Variants in CWF19L1 observed in about 807,000 individuals in gnomAD.
CWF19L1 encodes CWF19-like protein 1.
CWF19L1 carries 60 observed loss-of-function variants against 69.7 expected under a neutral mutation model. That is an observed-to-expected ratio of 0.86 (90% CI 0.70 to 1.07). The LOEUF is 1.07. Among genes scored for constraint, CWF19L1 ranks in the 50% least tolerant of loss-of-function variants. The probability of loss-of-function intolerance (pLI) is 0.00; values close to 1 mark genes in which losing one functional copy is unlikely to be tolerated. For synonymous variants in CWF19L1, 209 were observed against 222.2 expected, an observed-to-expected ratio of 0.94 and a Z score of 0.53; for missense variants, 591 against 638.9, an observed-to-expected ratio of 0.92 and a Z score of 0.81.
chr10:100,259,761 G>T (rs921080104), intron 4 of CWF19L1, among the ~76,000 whole-genome samples: 1 of 152,072 alleles, frequency 6.6e-6, no homozygotes, highest in African/African-American at 2.4e-5. Context: ...TACAGACTCT[G>T]GGAAAAAACC....
In CWF19L1 at chr10:100,253,530, C is replaced by A; in HGVS notation, c.514G>T (p.Asp172Tyr). The A allele has an allele frequency of 6.2e-7, 1 of 1,608,608 alleles. No homozygotes were observed. Among genetic ancestry groups the A allele is most frequent in the Non-Finnish European group, 8.5e-7 (1 of 1,175,140 alleles). The change falls in exon 6 of 14, where the codon GAT (aspartate) becomes TAT (tyrosine). Residue 172 changes from aspartate (D) to tyrosine (Y), a missense_variant. Coordinates refer to ENST00000354105, the MANE Select transcript of CWF19L1 (RefSeq NM_018294.6). ...AAAGCAGAACCACATTTTTTGGTAT[C>A]CACTTCTCCCTAGTAAACAAAAACT... is the stretch of plus-strand genomic sequence containing the variant. The part of the protein sequence containing the change: ...GNFGNSSGEV[D>Y]TKKCGSALVS...
At position 100,249,070 on chromosome 10, in the gene CWF19L1, C is replaced by A. The variant is rs116610786; in HGVS notation, c.708+1178G>T. On this transcript the variant is annotated intron_variant, in intron 7 of 13. Transcript: ENST00000354105. Reference sequence around the variant, plus strand: ...GCAGTCCATGCTCCTCCAGCTGCCCCTGAGGGGCCACCCTGCCTGCACCTC... The same window carrying A: ...GCAGTCCATGCTCCTCCAGCTGCCCATGAGGGGCCACCCTGCCTGCACCTC... The A allele has an allele frequency of 4.2e-3, 2,216 of 530,010 alleles. 46 individuals are homozygous for A. The highest frequency in any genetic ancestry group is 0.038 in the African/African-American group (1,987 of 52,422). 32.8% of individuals were successfully genotyped at this position (530,010 alleles called of 1,614,324 possible).
At chr10:100,255,192 T>C (rs1847168304) in intron 5 of CWF19L1, among the ~76,000 whole-genome samples, 1 of 152,258 alleles carries the variant, frequency 6.6e-6, no homozygotes, top group African/African-American at 2.4e-5. Flanking sequence ...TTGTCACTCC[T>C]GGTGTACCAT....
At chr10:100,234,055 C>T (rs1846355211) in intron 13 of CWF19L1, 1 of 152,216 alleles carries the variant, frequency 6.6e-6, no homozygotes. Flanking sequence ...CACTCACACA[C>T]AAGCTGCCTT....
At chr10:100,248,890 A>G in intron 7 of CWF19L1, 1 of 981,520 alleles carries the variant, frequency 1.0e-6, no homozygotes, top group Non-Finnish European at 1.6e-6. Flanking sequence ...GGCAGCCATC[A>G]TCTCTGCTGA....
chr10:100,259,507 G>GT (rs1847323007), intron 4 of CWF19L1, among the ~76,000 whole-genome samples: 1 of 152,158 alleles, frequency 6.6e-6, no homozygotes, highest in Non-Finnish European at 1.5e-5. Flanking sequence ...TCATTAACAA[G>GT]TAAGCTGTAT....
intron 5 of CWF19L1, among the ~76,000 whole-genome samples, chr10:100,254,849 C>T (rs551397223): frequency 6.6e-6 from 1 of 152,148 alleles, no homozygotes; most frequent in African/African-American, 2.4e-5. Context: ...TATCCTTGTG[C>T]TCCAACCAGC....
Position 100,256,213 on chromosome 10 carries a change from G to A in CWF19L1, c.504+49C>T, listed in dbSNP as rs1847206405. The stretch of plus-strand genomic sequence containing the variant: ...GGAAAAGAAAAAAGTCCCAACTCAA[G>A]CCAGTGCAATTTGCTTTTAGAAATT... On this transcript the variant is annotated intron_variant, in intron 5 of 13. Transcript: ENST00000354105. 5 of 1,415,974 alleles carry A rather than the reference G, an allele frequency of 3.5e-6. No individual in the cohort carries two copies. The South Asian group carries it at 5.7e-5, about 16-fold the overall frequency. The allele number at this position is 1,415,974 out of a possible 1,614,324, so 87.7% of individuals were successfully genotyped here.
rs192312001 is a variant in CWF19L1, at chr10:100,251,918, T to C, written c.623+1503A>G. 2.8e-3 allele frequency among the ~76,000 whole-genome samples: 425 copies of C among 152,368 alleles called. 1 individual carries two copies. The highest frequency in any genetic ancestry group is 4.0e-3 in the Admixed American group (61 of 15,306). On this transcript the variant is annotated intron_variant, in intron 6 of 13. Transcript: ENST00000354105. ...AAACTTCTGTTTTCGCAGTATATTT[T>C]TAGAGAACAAGACATTCTTCTAGAA...
intron 4 of CWF19L1, among the ~76,000 whole-genome samples, chr10:100,256,980 C>T (rs1195416195): frequency 1.3e-5 from 2 of 152,154 alleles, no homozygotes; most frequent in African/African-American, 4.8e-5. Context: ...TACTTGGAGG[C>T]AGGCAGCAAC....
At chr10:100,248,413 G>A (rs748579072) in intron 7 of CWF19L1, 6 of 717,826 alleles carry the variant, frequency 8.4e-6, no homozygotes, top group Non-Finnish European at 1.3e-5. Flanking sequence ...ACTGTGGTAC[G>A]GGAAGGGACT....
intron 1 of CWF19L1, chr10:100,262,471 T>C (rs991760731): frequency 4.1e-6 from 4 of 985,256 alleles, no homozygotes; most frequent in Admixed American, 6.2e-5. Flanking sequence ...CCTCCTATCT[T>C]AGTACAGGGC....
chr10:100,242,359 C>A (rs1846664204), intron 10 of CWF19L1, among the ~76,000 whole-genome samples: 1 of 152,152 alleles, frequency 6.6e-6, no homozygotes, highest in South Asian at 2.1e-4. Flanking sequence ...GAATCAGCTT[C>A]CAGCATTACA....
intron 11 of CWF19L1, among the ~76,000 whole-genome samples, chr10:100,237,724 G>T (rs1846492366): frequency 6.6e-6 from 1 of 151,818 alleles, no homozygotes; most frequent in Admixed American, 6.6e-5. Context: ...TCGGCTCACT[G>T]CAACCTCTGC....
At chr10:100,240,835 C>A (rs1044740482) in intron 10 of CWF19L1, among the ~76,000 whole-genome samples, 1 of 151,880 alleles carries the variant, frequency 6.6e-6, no homozygotes, top group Admixed American at 6.6e-5. Flanking sequence ...AAAAAAGATG[C>A]AAAAGAGATC....
intron 5 of CWF19L1, among the ~76,000 whole-genome samples, chr10:100,254,878 C>T (rs1028567124): frequency 1.2e-4 from 19 of 152,064 alleles, no homozygotes; most frequent in African/African-American, 4.6e-4. Context: ...TTGTATTCTA[C>T]GTAAAGAGTA....
intron 1 of CWF19L1, among the ~76,000 whole-genome samples, chr10:100,264,301 T>G (rs1397585821): frequency 6.6e-6 from 1 of 152,208 alleles, no homozygotes; most frequent in Non-Finnish European, 1.5e-5. Context: ...ATCCCAGCAC[T>G]TTGGGAGGCC....
chr10:100,267,577 A>G lies in CWF19L1; in HGVS notation c.17T>C (p.Leu6Pro). MAQKP[L>P]RLLACGDVEG... ...TCCATTCACGGTCACTCACAGGCGC[A>G]GCGGTTTCTGTGCCATCTGTCCGAA... Residue 6 changes from leucine to proline, a missense_variant, in exon 1 of 14, where the codon CTG (leucine) becomes CCG (proline). By Grantham distance (98) the Leu-to-Pro change is moderately conservative. This residue lies in a region of CWF19L1 where 129 missense variants were observed against 131.3 expected (regional missense o/e 0.98). Transcript: ENST00000354105. 1.9e-6 allele frequency: 3 copies of G among 1,614,228 alleles called. No individual in the cohort carries two copies. Among genetic ancestry groups the G allele is most frequent in the Non-Finnish European group, 2.5e-6 (3 of 1,180,038 alleles).
intron 8 of CWF19L1, chr10:100,246,207 C>A (rs1846814105): frequency 1.0e-5 from 3 of 286,910 alleles, no homozygotes; most frequent in Non-Finnish European, 2.0e-5. Flanking sequence ...CCTAAATTCT[C>A]TTTTCTTTTT....
Sources: gnomAD v4.1 joint callset for allele counts (sites outside exome capture counted in the v4.1 genomes callset) on GRCh38, gnomAD v4.1.1 for gene constraint, gnomAD v4.1.1 regional missense constraint, MANE v1.5 for transcripts, NCBI Gene and HGNC (gene_info 2026-07-23, HGNC 2026-07-21) for gene names.